TSGA10: variants seen among roughly 807,000 people sequenced by gnomAD.
TSGA10 encodes the protein testis specific 10.
In TSGA10, 43 loss-of-function variants were observed where a neutral mutation model predicts 96.6. That is an observed-to-expected ratio of 0.44 (90% CI 0.35 to 0.57). TSGA10 has a LOEUF of 0.57. Ranked by LOEUF, TSGA10 falls within the 20% of genes least tolerant of loss-of-function variation. The pLI, the probability that TSGA10 is intolerant of heterozygous loss-of-function variation, is 0.01. For missense variants in TSGA10, 703 were observed against 834.4 expected (o/e 0.84, Z 1.94); for synonymous variants, 229 against 269.9 (o/e 0.85, Z 1.48).
intron 20 of TSGA10, among the ~76,000 whole-genome samples, chr2:99,016,962 C>T (rs2079562177): frequency 6.6e-6 from 1 of 152,116 alleles, no homozygotes; most frequent in African/African-American, 2.4e-5. Flanking sequence ...ACCTACCTTA[C>T]TCCTGCAAGA....
At chr2:99,066,334 C>G (rs772696802) in intron 15 of TSGA10, among the ~76,000 whole-genome samples, 4 of 152,172 alleles carry the variant, frequency 2.6e-5, no homozygotes, top group Non-Finnish European at 5.9e-5. Flanking sequence ...CATGATTGTA[C>G]TAACAATCAT....
chr2:99,090,032 C>A (rs2089096193), intron 10 of TSGA10, among the ~76,000 whole-genome samples: 1 of 152,196 alleles, frequency 6.6e-6, no homozygotes, highest in Non-Finnish European at 1.5e-5. Flanking sequence ...CCACCTCCAC[C>A]AGAGCAGGTG....
chr2:99,014,285 A>C (rs1225481728), intron 20 of TSGA10, among the ~76,000 whole-genome samples: 3 of 152,212 alleles, frequency 2.0e-5, no homozygotes, highest in Non-Finnish European at 4.4e-5. Context: ...CAGTGAGCCG[A>C]GATCATGCCA....
At chr2:99,088,962 T>C (rs1356299410) in intron 10 of TSGA10, among the ~76,000 whole-genome samples, 3 of 152,134 alleles carry the variant, frequency 2.0e-5, no homozygotes, top group Non-Finnish European at 2.9e-5. Context: ...TTGTGAACTT[T>C]TGCTTCAAGA....
chr2:99,006,806 A>G (rs2078522016), intron 20 of TSGA10, among the ~76,000 whole-genome samples: 1 of 152,246 alleles, frequency 6.6e-6, no homozygotes, highest in Non-Finnish European at 1.5e-5. Context: ...TATATACCCA[A>G]AGGATTATAA....
At chr2:99,055,342 T>G (rs1485358136) in intron 16 of TSGA10, among the ~76,000 whole-genome samples, 1 of 152,088 alleles carries the variant, frequency 6.6e-6, no homozygotes, top group Non-Finnish European at 1.5e-5. Context: ...GGTGGTTACC[T>G]GGAGCTGATA....
intron 20 of TSGA10, among the ~76,000 whole-genome samples, chr2:99,011,401 G>A (rs1261826972): frequency 2.0e-5 from 3 of 152,054 alleles, no homozygotes; most frequent in African/African-American, 7.3e-5. Flanking sequence ...CAAAGTGCTG[G>A]GATTACAGGC....
intron 10 of TSGA10, among the ~76,000 whole-genome samples, chr2:99,083,761 A>G (rs1475102491): frequency 6.6e-6 from 1 of 152,170 alleles, no homozygotes; most frequent in Non-Finnish European, 1.5e-5. Context: ...TGAAATGACA[A>G]AATTACAGAG....
intron 2 of TSGA10, 109 bp downstream of exon 2, chr2:99,126,939 A>G: frequency 2.0e-6 from 2 of 1,012,826 alleles, no homozygotes; most frequent in South Asian, 3.2e-5. Flanking sequence ...TAGACCCATA[A>G]CATTTAAATG....
chr2:99,018,067 C>T (rs570533916), intron 20 of TSGA10, 133 bp downstream of exon 20: 67 of 731,946 alleles, frequency 9.2e-5, no homozygotes, highest in Non-Finnish European at 1.0e-4. Context: ...TATTTTATAT[C>T]AATATATCTT....
chr2:99,049,227 T>C (rs1048560816), intron 16 of TSGA10, among the ~76,000 whole-genome samples: 3 of 152,200 alleles, frequency 2.0e-5, no homozygotes, highest in African/African-American at 7.2e-5. Flanking sequence ...ATCCCATTAA[T>C]GGGTATATAC....
intron 10 of TSGA10, chr2:99,102,790 A>T: frequency 6.7e-7 from 1 of 1,489,600 alleles, no homozygotes; most frequent in Non-Finnish European, 9.4e-7. Flanking sequence ...AGTTGTGTAT[A>T]GTAATATGAT....
intron 2 of TSGA10, chr2:99,125,558 T>C (rs1433030010): frequency 2.6e-5 from 4 of 152,254 alleles, no homozygotes; most frequent in Non-Finnish European, 4.4e-5. Flanking sequence ...TTGTCTTTTC[T>C]CAAATCTTCC....
chr2:99,027,840 T>C (rs1216231815), intron 17 of TSGA10, among the ~76,000 whole-genome samples: 5 of 152,186 alleles, frequency 3.3e-5, no homozygotes, highest in East Asian at 1.9e-4. Context: ...TCCTGGCTTT[T>C]TGAGGGTTAA....
At chr2:99,009,144 G>A (rs2104856214) in intron 20 of TSGA10, among the ~76,000 whole-genome samples, 1 of 151,524 alleles carries the variant, frequency 6.6e-6, no homozygotes, top group African/African-American at 2.4e-5. Context: ...ACTAGGAAGT[G>A]GAAATATGAA....
At chr2:99,146,464 G>T (rs183656379) in intron 1 of TSGA10, among the ~76,000 whole-genome samples, 8 of 145,166 alleles carry the variant, frequency 5.5e-5, no homozygotes, top group Admixed American at 1.4e-4. Flanking sequence ...TCATTGAATA[G>T]AAATTCTCAA....
At chr2:99,091,965 C>A (rs968921085) in intron 10 of TSGA10, among the ~76,000 whole-genome samples, 4 of 152,128 alleles carry the variant, frequency 2.6e-5, no homozygotes, top group African/African-American at 9.7e-5. Context: ...TTCCACCCAA[C>A]AACCACAGAA....
At position 99,127,029 on chromosome 2, in the gene TSGA10, T is replaced by A; in HGVS notation, c.-492+19A>T. On this transcript the variant is annotated intron_variant, in intron 2 of 20. Coordinates refer to ENST00000393483, the MANE Select transcript of TSGA10 (RefSeq NM_025244.4). ...CACCCCAAATTAAGTCAGGAAAATA[T>A]GTTGTAACTAAACGCAACCTGTAAT... 3.1e-6 allele frequency: 4 copies of A among 1,285,424 alleles called. No individual in the cohort carries two copies. Among genetic ancestry groups the A allele is most frequent in the Non-Finnish European group, 4.1e-6 (4 of 987,624 alleles). 79.6% of individuals were successfully genotyped at this position (1,285,424 alleles called of 1,614,324 possible).
At chr2:99,109,564 A>G in intron 5 of TSGA10, 52 bp from the exon 6 acceptor site, 1 of 1,396,088 alleles carries the variant, frequency 7.2e-7, no homozygotes, top group Non-Finnish European at 9.4e-7. Flanking sequence ...TATCTTGCCA[A>G]AGAGGAAAAA....
Sources: gnomAD v4.1 joint callset for allele counts (sites outside exome capture counted in the v4.1 genomes callset) on GRCh38, gnomAD v4.1.1 for gene constraint, MANE v1.5 for transcripts, NCBI Gene and HGNC (gene_info 2026-07-23, HGNC 2026-07-21) for gene names.